The following SUPT3H variants were observed in gnomAD, a reference collection of about 807,000 sequenced individuals.
SUPT3H encodes the protein SPT3 homolog, SAGA and STAGA complex component, also known as transcription initiation protein SPT3 homolog.
SUPT3H carries 44 observed loss-of-function variants against 44.3 expected under a neutral mutation model. The ratio of observed to expected loss-of-function variants is 0.99; its 90% CI spans 0.78 to 1.28. The LOEUF is 1.28. SUPT3H is among the 50% of genes most tolerant of loss of function. SUPT3H has a pLI of 0.00. For missense variants in SUPT3H, 380 were observed against 387.1 expected (o/e 0.98, Z 0.15); for synonymous variants, 124 against 125.6 (o/e 0.99, Z 0.09).
intron 5 of SUPT3H, among the ~76,000 whole-genome samples, chr6:45,007,369 T>G (rs977028837): frequency 6.6e-6 from 1 of 152,118 alleles, no homozygotes; most frequent in Non-Finnish European, 1.5e-5. Flanking sequence ...CTACTTTTAC[T>G]TTCTGAAATG....
chr6:44,985,212 T>TTAAATA (rs1554195416), intron 6 of SUPT3H, among the ~76,000 whole-genome samples: 1 of 113,608 alleles, frequency 8.8e-6, no homozygotes, highest in African/African-American at 3.4e-5. Flanking sequence ...AATAAATAAA[T>TTAAATA]AAATAAAATA....
intron 8 of SUPT3H, 97 bp from the exon 9 acceptor site, chr6:44,953,514 A>T: frequency 1.1e-6 from 1 of 921,664 alleles, no homozygotes; most frequent in South Asian, 1.5e-5. Context: ...AATGTTACTG[A>T]TAATCCTGCT....
intron 2 of SUPT3H, among the ~76,000 whole-genome samples, chr6:45,276,470 T>C (rs1360161801): frequency 6.6e-6 from 1 of 152,182 alleles, no homozygotes; most frequent in African/African-American, 2.4e-5. Flanking sequence ...ATTACAATAA[T>C]GGCCCCAATT....
chr6:45,332,862 A>T lies in SUPT3H; in HGVS notation c.101+32339T>A, dbSNP rs147268817. Among the ~76,000 whole-genome samples, 503 of 151,822 alleles carry T rather than the reference A, an allele frequency of 3.3e-3. 11 individuals carry two copies. The highest frequency in any genetic ancestry group is 0.027 in the Admixed American group (416 of 15,186). On this transcript the variant is annotated intron_variant, in intron 2 of 10. Transcript: ENST00000371459. ...TACTAATCAGGTGCTAGCAGATCCAATGGTAATTTAAGCAGAGACTTCTCA... is the reference window on the plus strand; with the variant it reads ...TACTAATCAGGTGCTAGCAGATCCATTGGTAATTTAAGCAGAGACTTCTCA...
intron 10 of SUPT3H, among the ~76,000 whole-genome samples, chr6:44,852,693 T>C (rs1482811672): frequency 6.6e-6 from 1 of 152,208 alleles, no homozygotes; most frequent in Non-Finnish European, 1.5e-5. Flanking sequence ...AGAACAGCTA[T>C]GGTAAATTCT....
intron 3 of SUPT3H, chr6:45,098,727 A>G (rs1230254498): frequency 2.3e-6 from 1 of 429,904 alleles, no homozygotes; most frequent in Admixed American, 2.6e-5. Context: ...TAGTCTGGAT[A>G]ATACCCTTTC....
intron 2 of SUPT3H, chr6:45,321,806 C>G (rs1349647366): frequency 1.2e-6 from 2 of 1,604,206 alleles, no homozygotes; most frequent in African/African-American, 2.7e-5. Context: ...CTGCCAGAAT[C>G]ATTCAGCAGT....
At chr6:45,153,279 T>A (rs908239279) in intron 2 of SUPT3H, among the ~76,000 whole-genome samples, 1 of 152,240 alleles carries the variant, frequency 6.6e-6, no homozygotes, top group Non-Finnish European at 1.5e-5. Context: ...AACCTTCATC[T>A]TCTTCACTAG....
In SUPT3H at chr6:44,828,556, G is replaced by A. The variant is rs898378090; in HGVS notation, c.*1260C>T. On this transcript the variant is annotated 3_prime_UTR_variant, in exon 11 of 11. Coordinates refer to ENST00000371459, the MANE Select transcript of SUPT3H (RefSeq NM_003599.4). ...GCAACTATTACAATATAAGAAGGCA[G>A]GAAAGCTAATGACATAACCTCTAAA... Among the ~76,000 whole-genome samples, 3 of 152,088 alleles carry A rather than the reference G, an allele frequency of 2.0e-5. No individual in the cohort carries two copies. The highest frequency in any genetic ancestry group is 4.4e-5 in the Non-Finnish European group (3 of 68,002).
At chr6:45,010,592 C>G (rs1420867637) in intron 5 of SUPT3H, among the ~76,000 whole-genome samples, 1 of 152,098 alleles carries the variant, frequency 6.6e-6, no homozygotes, top group Admixed American at 6.6e-5. Context: ...ATCAAGGTGC[C>G]AGTAGATTTA....
At chr6:45,007,356 C>T (rs1782857155) in intron 5 of SUPT3H, among the ~76,000 whole-genome samples, 1 of 152,092 alleles carries the variant, frequency 6.6e-6, no homozygotes, top group African/African-American at 2.4e-5. Context: ...TCTCCTCCAT[C>T]TCCTACTTTT....
At chr6:45,264,286 C>A (rs543261992) in intron 2 of SUPT3H, among the ~76,000 whole-genome samples, 1 of 152,238 alleles carries the variant, frequency 6.6e-6, no homozygotes, top group East Asian at 1.9e-4. Flanking sequence ...TTTTTATATA[C>A]ATTTTTAATT....
At chr6:45,129,722 C>T (rs991141848) in intron 2 of SUPT3H, among the ~76,000 whole-genome samples, 3 of 151,750 alleles carry the variant, frequency 2.0e-5, no homozygotes, top group African/African-American at 4.8e-5. Context: ...AAATCAATAT[C>T]GTATGCCAGA....
At position 45,130,691 on chromosome 6, in the gene SUPT3H, A is replaced by G. The variant is rs1035387380; in HGVS notation, c.102-24685T>C. Among the ~76,000 whole-genome samples the G allele has an allele frequency of 2.8e-5, 4 of 143,852 alleles. No individual in the cohort carries two copies. In the East Asian group the frequency reaches 7.8e-4, roughly 28 times the overall value. 94.4% of individuals were successfully genotyped at this position (143,852 alleles called of 152,430 possible). A position where few individuals can be genotyped will look rare whatever the true frequency, so the allele number is the denominator to read the frequency against. On this transcript the variant is annotated intron_variant, in intron 2 of 10. Coordinates refer to ENST00000371459, the MANE Select transcript of SUPT3H (RefSeq NM_003599.4). Reference sequence around the variant, plus strand: ...ACAGGAAAAAGACAAAGGTAAAAAAAAAAAACAAAAAAAAAAACCACTTTT... The same window carrying G: ...ACAGGAAAAAGACAAAGGTAAAAAAGAAAAACAAAAAAAAAAACCACTTTT...
intron 6 of SUPT3H, among the ~76,000 whole-genome samples, chr6:44,970,887 C>G (rs1488297896): frequency 6.6e-6 from 1 of 152,118 alleles, no homozygotes; most frequent in African/African-American, 2.4e-5. Context: ...TTGGTTTAGG[C>G]AAGATCAAAT....
At chr6:45,136,400 C>A (rs2153587017) in intron 2 of SUPT3H, among the ~76,000 whole-genome samples, 1 of 152,186 alleles carries the variant, frequency 6.6e-6, no homozygotes. Context: ...AAAATACTAT[C>A]TTAGTCCAGT....
At chr6:45,031,054 TC>T (rs1786842790) in intron 3 of SUPT3H, among the ~76,000 whole-genome samples, 1 of 151,566 alleles carries the variant, frequency 6.6e-6, no homozygotes, top group Non-Finnish European at 1.5e-5. Context: ...ATCTTGACTT[TC>T]TTTGTCTCAT....
intron 2 of SUPT3H, among the ~76,000 whole-genome samples, chr6:45,208,493 A>C (rs1479207085): frequency 6.6e-6 from 1 of 152,204 alleles, no homozygotes; most frequent in Non-Finnish European, 1.5e-5. Flanking sequence ...TGGGAGGCCA[A>C]GGCGGGCAGA....
In SUPT3H at chr6:45,054,917, A is replaced by G. The variant is rs370328456; in HGVS notation, c.187-34285T>C. ...TTATGGGTTCAAAATGTTTGAACCCATAAGAAAACTTTTAATCACTGGCTG... is the reference window on the plus strand; with the variant it reads ...TTATGGGTTCAAAATGTTTGAACCCGTAAGAAAACTTTTAATCACTGGCTG... On this transcript the variant is annotated intron_variant, in intron 3 of 10. Coordinates refer to ENST00000371459, the MANE Select transcript of SUPT3H (RefSeq NM_003599.4). Among the ~76,000 whole-genome samples the G allele has an allele frequency of 5.9e-5, 9 of 152,214 alleles. No homozygotes were observed. The East Asian group carries it at 1.5e-3, about 26-fold the overall frequency.
Sources: allele counts gnomAD v4.1 joint callset (sites outside exome capture counted in the v4.1 genomes callset), GRCh38; gene constraint gnomAD v4.1.1; transcripts MANE v1.5; gene names NCBI Gene and HGNC (gene_info 2026-07-23, HGNC 2026-07-21).